The following EFCAB6 variants were observed in gnomAD, a reference collection of about 807,000 sequenced individuals.
EFCAB6 encodes EF-hand calcium-binding domain-containing protein 6.
In EFCAB6, 156 loss-of-function variants were observed where a neutral mutation model predicts 169.8. That is an observed-to-expected ratio of 0.92 (90% CI 0.81 to 1.05). The LOEUF is 1.05. Ranked by LOEUF, EFCAB6 falls within the 50% of genes least tolerant of loss-of-function variation. EFCAB6 has a pLI of 0.00. For missense variants in EFCAB6, 1,800 were observed against 1,829.1 expected, an observed-to-expected ratio of 0.98 and a Z score of 0.29; for synonymous variants, 698 against 676.4, an observed-to-expected ratio of 1.03 and a Z score of -0.50.
At chr22:43,669,076 C>A in intron 15 of EFCAB6, 31 bp from the exon 16 acceptor site, 1 of 1,537,336 alleles carries the variant, frequency 6.5e-7, no homozygotes, top group Non-Finnish European at 8.8e-7. Context: ...AAAACACACT[C>A]AGTAGAGTAA....
At chr22:43,676,077 C>G (rs2057743272) in intron 13 of EFCAB6, among the ~76,000 whole-genome samples, 1 of 151,748 alleles carries the variant, frequency 6.6e-6, no homozygotes, top group Non-Finnish European at 1.5e-5. Context: ...GGGAAAGGCT[C>G]ATCATATAAC....
intron 2 of EFCAB6, among the ~76,000 whole-genome samples, chr22:43,784,718 C>CACATAT (rs1256297031): frequency 4.8e-4 from 54 of 112,232 alleles, no homozygotes; most frequent in African/African-American, 1.8e-3. Flanking sequence ...CACACACACA[C>CACATAT]ATATATATAT....
chr22:43,684,197 C>T (rs552986224), intron 11 of EFCAB6, among the ~76,000 whole-genome samples: 3 of 152,154 alleles, frequency 2.0e-5, no homozygotes, highest in Non-Finnish European at 4.4e-5. Context: ...AGCTGGGAGC[C>T]CCCCCTCCTG....
At position 43,672,133 on chromosome 22, in the gene EFCAB6, C is replaced by T. The variant is rs1355890939; in HGVS notation, c.1480G>A (p.Val494Met). The change falls in exon 15 of 32, where the codon GTG becomes ATG. Residue 494 changes from valine to methionine, a missense_variant and splice_region_variant. Val to Met is a conservative substitution (Grantham distance 21). Transcript: ENST00000262726. ...KTPFLLAWDSVEEIVHDTITR... is the reference protein window; with the variant it reads ...KTPFLLAWDSMEEIVHDTITR... ...ATTGTATCATGAACAATTTCTTCCA[C>T]CTAACATTAAAAAACAAACATATTT... 4 of 1,612,932 alleles carry T rather than the reference C, an allele frequency of 2.5e-6. No individual in the cohort carries two copies. The highest frequency in any genetic ancestry group is 2.2e-5 in the East Asian group (1 of 44,876).
chr22:43,808,061 CCA>C (rs1241093134), intron 2 of EFCAB6, among the ~76,000 whole-genome samples: 2 of 152,160 alleles, frequency 1.3e-5, no homozygotes, highest in Non-Finnish European at 2.9e-5. Context: ...GGTTCCACAT[CCA>C]CAGATTCAAC....
intron 10 of EFCAB6, among the ~76,000 whole-genome samples, chr22:43,693,426 A>G (rs1456182454): frequency 6.6e-6 from 1 of 151,024 alleles, no homozygotes; most frequent in Non-Finnish European, 1.5e-5. Flanking sequence ...TTAACCAGCA[A>G]TCATCAAAAC....
chr22:43,810,926 G>A (rs926121927), intron 1 of EFCAB6, among the ~76,000 whole-genome samples: 2 of 152,100 alleles, frequency 1.3e-5, no homozygotes, highest in African/African-American at 4.8e-5. Context: ...CCAAGTAAAC[G>A]TTTGCTGAAT....
At chr22:43,714,491 G>A (rs926345198) in intron 9 of EFCAB6, among the ~76,000 whole-genome samples, 5 of 151,218 alleles carry the variant, frequency 3.3e-5, no homozygotes, top group African/African-American at 7.3e-5. Flanking sequence ...GGTCCATGCC[G>A]AGATATAGCT....
At chr22:43,532,055 T>G (rs937668982) in intron 30 of EFCAB6, 9 of 152,334 alleles carry the variant, frequency 5.9e-5, no homozygotes, top group African/African-American at 1.9e-4. Context: ...GGACAAGGGC[T>G]GTGACCAGGA....
chr22:43,670,900 C>T (rs1012173581), intron 15 of EFCAB6, among the ~76,000 whole-genome samples: 1 of 152,244 alleles, frequency 6.6e-6, no homozygotes, highest in African/African-American at 2.4e-5. Context: ...GCAACAAACA[C>T]TGGCTGAGAC....
intron 13 of EFCAB6, among the ~76,000 whole-genome samples, chr22:43,675,608 TATA>T (rs1233354648): frequency 1.5e-5 from 2 of 135,444 alleles, no homozygotes; most frequent in African/African-American, 3.3e-5. Context: ...ATATCTGATA[TATA>T]ATATATTATA....
intron 17 of EFCAB6, among the ~76,000 whole-genome samples, chr22:43,651,383 A>G (rs2056459815): frequency 6.6e-6 from 1 of 152,254 alleles, no homozygotes; most frequent in Non-Finnish European, 1.5e-5. Flanking sequence ...AGTGCACAGA[A>G]GTCAAGAATT....
At chr22:43,687,012 T>C (rs1351257629) in intron 11 of EFCAB6, among the ~76,000 whole-genome samples, 3 of 152,352 alleles carry the variant, frequency 2.0e-5, no homozygotes, top group East Asian at 1.9e-4. Context: ...ATAATCTCCA[T>C]GACCCATGAT....
chr22:43,552,707 C>A (rs1480038592), intron 27 of EFCAB6: 1 of 152,012 alleles, frequency 6.6e-6, no homozygotes, highest in Non-Finnish European at 1.5e-5. Context: ...TCTTAGTGGA[C>A]AATTAAAATT....
chr22:43,732,945 C>A (rs1001843310), intron 7 of EFCAB6, among the ~76,000 whole-genome samples: 1 of 152,072 alleles, frequency 6.6e-6, no homozygotes, highest in Admixed American at 6.5e-5. Flanking sequence ...GTGTTGATTT[C>A]TATAATTATC....
chr22:43,789,765 A>G (rs967826762), intron 2 of EFCAB6, among the ~76,000 whole-genome samples: 1 of 152,076 alleles, frequency 6.6e-6, no homozygotes, highest in Non-Finnish European at 1.5e-5. Flanking sequence ...TCTCAACGTA[A>G]GAGTGAATTA....
Position 43,615,890 on chromosome 22 carries a change from GC to G in EFCAB6, c.2497del (p.Ala833LeufsTer25). The G allele has an allele frequency of 6.2e-7, 1 of 1,613,576 alleles. No homozygotes were observed. Among genetic ancestry groups the G allele is most frequent in the Non-Finnish European group, 8.5e-7 (1 of 1,179,904 alleles). Reference protein sequence around the residue: ...PKQKVADSELACEQAHQYLVT... With the variant: ...PKQKVADSELXCEQAHQYLVT... ...AAGATACTGATGAGCCTGCTCACAA[GC>G]TAGTTCTGAATCCGCAACCTTCTGT... On this transcript the variant is annotated frameshift_variant, in exon 21 of 32. Transcript: ENST00000262726. LOFTEE classifies it high-confidence loss of function.
chr22:43,676,273 C>A (rs5764205), intron 13 of EFCAB6, among the ~76,000 whole-genome samples: 1 of 151,300 alleles, frequency 6.6e-6, no homozygotes, highest in East Asian at 1.9e-4. Flanking sequence ...AAAAATTAGC[C>A]GGGTGTGGTG....
At chr22:43,760,709 A>C (rs1603341744) in intron 5 of EFCAB6, among the ~76,000 whole-genome samples, 1 of 143,964 alleles carries the variant, frequency 6.9e-6, no homozygotes, top group South Asian at 2.2e-4. Context: ...CCTAGGCAGG[A>C]GTGTGGTGGC....
Sources: gnomAD v4.1 joint callset for allele counts (sites outside exome capture counted in the v4.1 genomes callset) on GRCh38, gnomAD v4.1.1 for gene constraint, MANE v1.5 for transcripts, NCBI Gene and HGNC (gene_info 2026-07-23, HGNC 2026-07-21) for gene names.